The following NRIP1 variants were observed in gnomAD, a reference collection of about 807,000 sequenced individuals.
The protein encoded by NRIP1 is nuclear receptor interacting protein 1.
NRIP1 carries 28 observed loss-of-function variants against 75.0 expected under a neutral mutation model. The ratio of observed to expected loss-of-function variants is 0.37; its 90% confidence interval spans 0.28 to 0.51. The LOEUF (loss-of-function observed/expected upper bound fraction) is 0.51. NRIP1 is among the 20% of genes least tolerant of loss of function. The probability of loss-of-function intolerance (pLI) is 0.92; values close to 1 mark genes in which losing one functional copy is unlikely to be tolerated. For missense variants in NRIP1, 1,435 were observed against 1,343.7 expected, an observed-to-expected ratio of 1.07 and a Z score of -1.06; for synonymous variants, 526 against 487.6, an observed-to-expected ratio of 1.08 and a Z score of -1.04.
intron 2 of NRIP1, among the ~76,000 whole-genome samples, chr21:15,026,900 G>T (rs2088534001): frequency 6.6e-6 from 1 of 152,102 alleles, no homozygotes; most frequent in Non-Finnish European, 1.5e-5. Flanking sequence ...TAACTGGGTT[G>T]TTTGCAACTA....
intron 3 of NRIP1, among the ~76,000 whole-genome samples, chr21:14,983,710 T>C (rs887538049): frequency 3.9e-5 from 6 of 152,346 alleles, no homozygotes; most frequent in Middle Eastern, 3.4e-3. Flanking sequence ...CTGATGAAGC[T>C]GGAACTTGAG....
rs373749896 is a variant in NRIP1 at position 14,965,070 on chromosome 21, G to C, written c.3123C>G (p.Pro1041=). 3.1e-5 allele frequency: 50 copies of C among 1,613,672 alleles called. No individual in the cohort carries two copies. In the East Asian group the frequency reaches 1.1e-3, roughly 35 times the overall value. ...CCGCATCAGTGATAACCCACTTAATGGGTCCTTTCTCACTGGGCATGGAAC... is the reference window on the plus strand; with the variant it reads ...CCGCATCAGTGATAACCCACTTAATCGGTCCTTTCTCACTGGGCATGGAAC... The part of the protein sequence containing the change: ...NGCSMPSEKG[P]IKWVITDAEK... The change falls in exon 4 of 4, where the codon CCC becomes CCG. Residue 1041 remains proline, a synonymous_variant. Coordinates refer to ENST00000318948, the MANE Select transcript of NRIP1 (RefSeq NM_003489.4).
chr21:15,022,676 A>C (rs1014249927), intron 2 of NRIP1, among the ~76,000 whole-genome samples: 2 of 152,258 alleles, frequency 1.3e-5, no homozygotes, highest in Admixed American at 1.3e-4. Flanking sequence ...AAGTAGAATT[A>C]AGATGACTAT....
chr21:15,018,217 T>G (rs796787738), intron 2 of NRIP1, among the ~76,000 whole-genome samples: 1 of 152,278 alleles, frequency 6.6e-6, no homozygotes, highest in African/African-American at 2.4e-5. Flanking sequence ...TGTGGTAAAA[T>G]TATCACAATA....
chr21:15,025,927 A>T (rs1444989770), intron 2 of NRIP1, among the ~76,000 whole-genome samples: 2 of 152,192 alleles, frequency 1.3e-5, no homozygotes, highest in Admixed American at 1.3e-4. Context: ...GCAAAGTGTG[A>T]TTCTAAATGG....
intron 3 of NRIP1, among the ~76,000 whole-genome samples, chr21:14,981,984 C>T (rs934921930): frequency 5.9e-5 from 9 of 151,910 alleles, no homozygotes; most frequent in African/African-American, 2.2e-4. Context: ...TCCTGAGCAG[C>T]TGGGACCACA....
In NRIP1 at chr21:14,967,444, C is replaced by G; in HGVS notation, c.749G>C (p.Arg250Thr). 5.6e-6 allele frequency: 9 copies of G among 1,613,990 alleles called. No homozygotes were observed. Among genetic ancestry groups the G allele is most frequent in the Non-Finnish European group, 7.6e-6 (9 of 1,179,976 alleles). The change falls in exon 4 of 4, where the codon AGG (arginine) becomes ACG (threonine). Residue 250 changes from arginine (R) to threonine (T), a missense_variant. By Grantham distance (71) the Arg-to-Thr change is moderately conservative. Coordinates refer to ENST00000318948, the MANE Select transcript of NRIP1 (RefSeq NM_003489.4). The stretch of plus-strand genomic sequence containing the variant: ...TTTAGGTGAGGTGGCAGGACTAGCC[C>G]TTTTTTCCACCATGCTTGCAACAGC... ...LQAVASMVEK[R>T]ASPATSPKPS...
intron 3 of NRIP1, among the ~76,000 whole-genome samples, chr21:14,976,762 T>A (rs2087082962): frequency 6.6e-6 from 1 of 152,196 alleles, no homozygotes; most frequent in South Asian, 2.1e-4. Context: ...TATTTTTGGT[T>A]GAGAATAGAG....
intron 3 of NRIP1, among the ~76,000 whole-genome samples, chr21:14,972,726 C>T (rs978626776): frequency 3.3e-5 from 5 of 152,158 alleles, no homozygotes; most frequent in Admixed American, 1.3e-4. Flanking sequence ...CATGGAGTAG[C>T]GGGGTGGAGA....
At chr21:14,974,496 G>T (rs9789846) in intron 3 of NRIP1, among the ~76,000 whole-genome samples, 1 of 152,026 alleles carries the variant, frequency 6.6e-6, no homozygotes, top group East Asian at 1.9e-4. Flanking sequence ...TCAATCCAAT[G>T]AATTACTTCA....
At position 14,968,034 on chromosome 21, in the gene NRIP1, AATGTTAAAGTTCTG is replaced by A; in HGVS notation, c.145_158del (p.Gln49PhefsTer11). ...GACAGGTGGGAAATGCACTGCCAGAAATGTTAAAGTTCTGATCCTCTTCATTATGCCCAGCAGAC... is the reference window on the plus strand; with the variant it reads ...GACAGGTGGGAAATGCACTGCCAGAAATCCTCTTCATTATGCCCAGCAGAC... On this transcript the variant is annotated frameshift_variant, in exon 4 of 4. Coordinates refer to ENST00000318948, the MANE Select transcript of NRIP1 (RefSeq NM_003489.4). LOFTEE classifies it high-confidence loss of function. 9.3e-6 allele frequency: 15 copies of A among 1,614,074 alleles called. No individual in the cohort carries two copies. Among genetic ancestry groups the A allele is most frequent in the Non-Finnish European group, 1.2e-5 (14 of 1,180,014 alleles).
chr21:15,027,599 T>C (rs891043277), intron 2 of NRIP1, among the ~76,000 whole-genome samples: 1 of 152,186 alleles, frequency 6.6e-6, no homozygotes, highest in African/African-American at 2.4e-5. Flanking sequence ...CTAATTCATA[T>C]CTACCACCAC....
chr21:15,000,028 A>G (rs1486855021), intron 3 of NRIP1, among the ~76,000 whole-genome samples: 1 of 152,260 alleles, frequency 6.6e-6, no homozygotes, highest in African/African-American at 2.4e-5. Context: ...ACAAAATTCA[A>G]CAACACAGTA....
Position 14,967,415 on chromosome 21 carries a change from T to C in NRIP1, c.778A>G (p.Ser260Gly), listed in dbSNP as rs753939892. 1 of 1,614,054 alleles carries C rather than the reference T, an allele frequency of 6.2e-7. No individual in the cohort carries two copies. The highest frequency in any genetic ancestry group is 8.5e-7 in the Non-Finnish European group (1 of 1,180,002). The part of the protein sequence containing the change: ...RASPATSPKP[S>G]VACSQLALLL... ...AATGCTAACTGGCTACAAGCAACACTAGGTTTAGGTGAGGTGGCAGGACTA... is the reference window on the plus strand; with the variant it reads ...AATGCTAACTGGCTACAAGCAACACCAGGTTTAGGTGAGGTGGCAGGACTA... The change falls in exon 4 of 4, where the codon AGT (serine) becomes GGT (glycine). Residue 260 changes from serine to glycine, a missense_variant. Ser to Gly is a moderately conservative substitution (Grantham distance 56). Transcript: ENST00000318948.
At chr21:15,038,573 C>A (rs192064138) in intron 2 of NRIP1, among the ~76,000 whole-genome samples, 2 of 151,774 alleles carry the variant, frequency 1.3e-5, no homozygotes, top group Non-Finnish European at 2.9e-5. Context: ...AGAAAAATTA[C>A]CTGACCATAA....
At chr21:15,052,582 CAGCCAA>C (rs2089224884) in intron 1 of NRIP1, among the ~76,000 whole-genome samples, 8 of 152,308 alleles carry the variant, frequency 5.3e-5, no homozygotes, top group African/African-American at 7.2e-5. Context: ...GTATTCAATA[CAGCCAA>C]TGACTTAAAC....
chr21:15,008,862 C>T (rs2088036115), intron 3 of NRIP1, among the ~76,000 whole-genome samples: 1 of 152,156 alleles, frequency 6.6e-6, no homozygotes, highest in South Asian at 2.1e-4. Context: ...ATCATTCCTT[C>T]ATAAGTGTAC....
chr21:15,016,734 A>C (rs994794822), intron 2 of NRIP1, among the ~76,000 whole-genome samples: 5 of 152,028 alleles, frequency 3.3e-5, no homozygotes, highest in Admixed American at 1.3e-4. Flanking sequence ...AATATAAAAA[A>C]ATTAGCTGGG....
chr21:15,024,415 A>ATT (rs559839075), intron 2 of NRIP1, among the ~76,000 whole-genome samples: 1 of 151,984 alleles, frequency 6.6e-6, no homozygotes, highest in East Asian at 1.9e-4. Flanking sequence ...GGTGGCAGTC[A>ATT]CCTGTAATCC....
Sources: allele counts gnomAD v4.1 joint callset (sites outside exome capture counted in the v4.1 genomes callset), GRCh38; gene constraint gnomAD v4.1.1; transcripts MANE v1.5; gene names NCBI Gene and HGNC (gene_info 2026-07-23, HGNC 2026-07-21).